CELA2B: variants seen among roughly 807,000 people sequenced by gnomAD.
The protein encoded by CELA2B is chymotrypsin-like elastase family member 2B.
Under a neutral mutation model 36.5 loss-of-function variants are expected in CELA2B, and 27 were observed. The observed-to-expected ratio is 0.74, with a 90% CI of 0.55 to 1.02. The LOEUF (loss-of-function observed/expected upper bound fraction) is 1.02, where lower values mean the gene tolerates loss of function less well. CELA2B is among the 50% of genes least tolerant of loss of function. The pLI, the probability that CELA2B is intolerant of heterozygous loss-of-function variation, is 0.00. For synonymous variants in CELA2B, 143 were observed against 148.5 expected (o/e 0.96, Z 0.27); for missense variants, 340 against 347.8 (o/e 0.98, Z 0.18).
intron 6 of CELA2B, among the ~76,000 whole-genome samples, chr1:15,486,411 G>A (rs550062827): frequency 4.6e-5 from 7 of 152,276 alleles, no homozygotes; most frequent in Non-Finnish European, 8.8e-5. Flanking sequence ...CCCAGAAGGC[G>A]GAGGTTGCAG....
At chr1:15,482,107 T>TA (rs1708748422) in intron 3 of CELA2B, among the ~76,000 whole-genome samples, 158 bp from the exon 4 acceptor site, 1 of 152,230 alleles carries the variant, frequency 6.6e-6, no homozygotes, top group Admixed American at 6.5e-5. Context: ...TTATATACTT[T>TA]AGGCCCTATG....
intron 2 of CELA2B, among the ~76,000 whole-genome samples, chr1:15,480,498 A>G (rs567754899): frequency 1.4e-4 from 22 of 152,314 alleles, no homozygotes; most frequent in African/African-American, 5.3e-4. Flanking sequence ...ACAGCTCAGC[A>G]TGGCTGGGGA....
intron 2 of CELA2B, among the ~76,000 whole-genome samples, chr1:15,478,818 C>T (rs1439456307): frequency 2.0e-5 from 3 of 152,104 alleles, no homozygotes; most frequent in Non-Finnish European, 4.4e-5. Context: ...CCACCTGCCT[C>T]GGCCTTCCAA....
Position 15,488,480 on chromosome 1 carries a change from G to A in CELA2B, c.792+1043G>A, listed in dbSNP as rs1029385654. 2.6e-5 allele frequency among the ~76,000 whole-genome samples: 4 copies of A among 152,172 alleles called. 1 individual carries two copies. Among genetic ancestry groups the A allele is most frequent in the Admixed American group, 2.0e-4 (3 of 15,266 alleles). On this transcript the variant is annotated intron_variant, in intron 7 of 7. Coordinates refer to ENST00000375910, the MANE Select transcript of CELA2B (RefSeq NM_015849.3). Reference sequence around the variant, plus strand: ...GAAAGCAGCCAGAAGAGGAAACCCCGTCACAAGAAAGGGGAGCCCAGGAGA... The same window carrying A: ...GAAAGCAGCCAGAAGAGGAAACCCCATCACAAGAAAGGGGAGCCCAGGAGA...
intron 3 of CELA2B, chr1:15,481,741 T>C (rs550759325): frequency 2.1e-5 from 10 of 469,600 alleles, no homozygotes; most frequent in Non-Finnish European, 4.4e-5. Flanking sequence ...TCACCGGAGT[T>C]TCTGCCGGGT....
At chr1:15,477,622 T>G (rs1159774495) in intron 2 of CELA2B, among the ~76,000 whole-genome samples, 2 of 152,194 alleles carry the variant, frequency 1.3e-5, no homozygotes, top group Non-Finnish European at 2.9e-5. Flanking sequence ...CTTTGAGATA[T>G]TCATAAAGCA....
At chr1:15,483,151 G>C in intron 4 of CELA2B, 113 bp from the exon 5 acceptor site, 1 of 1,524,448 alleles carries the variant, frequency 6.6e-7, no homozygotes, top group Non-Finnish European at 8.9e-7. Flanking sequence ...CTGCCGGTCA[G>C]AGCAACCTGG....
At position 15,482,283 on chromosome 1, in the gene CELA2B, C is replaced by G. The variant is rs758507409; in HGVS notation, c.246C>G (p.Arg82=). ...AHCISSSGIY[R]VMLGQHNLYV... is the part of the protein sequence containing the mutation. Reference sequence around the variant, plus strand: ...CTCCCAGCTCCTCCGGGATCTACCGCGTGATGCTGGGCCAGCATAACCTCT... The same window carrying G: ...CTCCCAGCTCCTCCGGGATCTACCGGGTGATGCTGGGCCAGCATAACCTCT... Residue 82 remains arginine, a synonymous_variant, in exon 4 of 8, where the codon CGC becomes CGG. Transcript: ENST00000375910. 47 of 1,613,868 alleles carry G rather than the reference C, an allele frequency of 2.9e-5. No homozygotes were observed. Among genetic ancestry groups the G allele is most frequent in the Non-Finnish European group, 3.8e-5 (45 of 1,179,934 alleles).
chr1:15,486,612 C>A (rs146327942), intron 6 of CELA2B, among the ~76,000 whole-genome samples: 1 of 152,340 alleles, frequency 6.6e-6, no homozygotes, highest in East Asian at 1.9e-4. Flanking sequence ...CTTCTGTATC[C>A]TTTCCTCTAC....
In CELA2B at chr1:15,491,355, C is replaced by T. The variant is rs1708891192; in HGVS notation, c.*43C>T. On this transcript the variant is annotated 3_prime_UTR_variant, in exon 8 of 8. Coordinates refer to ENST00000375910, the MANE Select transcript of CELA2B (RefSeq NM_015849.3). ...GACTGTTTCAGACTTGGAAAGGTCA[C>T]AGAAGGAAAATAATATTATATAAAG... The T allele has an allele frequency of 6.8e-6, 11 of 1,610,410 alleles. No homozygotes were observed. In the Middle Eastern group the frequency reaches 6.6e-4, roughly 96 times the overall value.
At chr1:15,491,030 T>G in intron 7 of CELA2B, 1 of 482,400 alleles carries the variant, frequency 2.1e-6, no homozygotes, top group Non-Finnish European at 3.8e-6. Context: ...TTTTAGGGGG[T>G]TCGAAGGCCC....
At chr1:15,478,183 C>T (rs1708694775) in intron 2 of CELA2B, among the ~76,000 whole-genome samples, 2 of 147,796 alleles carry the variant, frequency 1.4e-5, no homozygotes, top group African/African-American at 5.2e-5. Context: ...GTAATACCAG[C>T]TACTTGGGAG....
At chr1:15,481,446 T>C (rs1295301956) in intron 3 of CELA2B, among the ~76,000 whole-genome samples, 1 of 152,170 alleles carries the variant, frequency 6.6e-6, no homozygotes, top group Non-Finnish European at 1.5e-5. Context: ...AGGCCCAATC[T>C]CTGCCCTCTT....
chr1:15,483,192 C>G, intron 4 of CELA2B, 72 bp from the exon 5 acceptor site: 1 of 1,597,964 alleles, frequency 6.3e-7, no homozygotes, highest in African/African-American at 1.3e-5. Context: ...ACAAGGTCTC[C>G]AAGCCCTCCA....
chr1:15,480,083 G>C (rs1284465467), intron 2 of CELA2B, among the ~76,000 whole-genome samples: 1 of 152,160 alleles, frequency 6.6e-6, no homozygotes, highest in East Asian at 1.9e-4. Flanking sequence ...GCTGTGTTGA[G>C]AAAATGTGGG....
intron 2 of CELA2B, among the ~76,000 whole-genome samples, chr1:15,479,502 T>C (rs1373540280): frequency 2.0e-5 from 3 of 152,098 alleles, no homozygotes; most frequent in African/African-American, 7.2e-5. Flanking sequence ...GCCAATATCG[T>C]GCCACTGCAC....
At chr1:15,476,689 A>T in intron 2 of CELA2B, 144 bp downstream of exon 2, 1 of 794,782 alleles carries the variant, frequency 1.3e-6, no homozygotes, top group South Asian at 1.6e-5. Context: ...TTCACCAACA[A>T]GATACATTTC....
At position 15,476,463 on chromosome 1, in the gene CELA2B, G is replaced by A. The variant is rs375371978; in HGVS notation, c.47G>A (p.Ser16Asn). The change falls in exon 2 of 8, where the codon AGT (serine) becomes AAT (asparagine). Residue 16 changes from serine to asparagine, a missense_variant. Transcript: ENST00000375910. ...LLSTLVAGALSCGVSTYAPDM... is the reference protein window; with the variant it reads ...LLSTLVAGALNCGVSTYAPDM... The stretch of plus-strand genomic sequence containing the variant: ...ACCCTTTCTCTTTTCACAGCCCTCA[G>A]TTGTGGGGTCTCCACTTACGCGCCT... 50 of 1,613,998 alleles carry A rather than the reference G, an allele frequency of 3.1e-5. No individual in the cohort carries two copies. The highest frequency in any genetic ancestry group is 4.0e-5 in the African/African-American group (3 of 74,902).
chr1:15,490,258 A>ATCTATCTATCTATC lies in CELA2B; in HGVS notation c.793-1036_793-1035insCTATCTATCTATCT, dbSNP rs769929989. ...TATCTATCTATCTATCTATCTATCT[A>ATCTATCTATCTATC]TATACACACACACACACATAGACAC... On this transcript the variant is annotated intron_variant, in intron 7 of 7. Coordinates refer to ENST00000375910, the MANE Select transcript of CELA2B (RefSeq NM_015849.3). Among the ~76,000 whole-genome samples the ATCTATCTATCTATC allele has an allele frequency of 4.2e-5, 6 of 142,898 alleles. No homozygotes were observed. In the East Asian group the frequency reaches 6.9e-4, roughly 16 times the overall value. The allele number at this position is 142,898 out of a possible 152,430, so 93.7% of individuals were successfully genotyped here. A position where few individuals can be genotyped will look rare whatever the true frequency, so the allele number is the denominator to read the frequency against.
Sources: allele counts gnomAD v4.1 joint callset (sites outside exome capture counted in the v4.1 genomes callset), GRCh38; gene constraint gnomAD v4.1.1; transcripts MANE v1.5; gene names NCBI Gene and HGNC (gene_info 2026-07-23, HGNC 2026-07-21).